Variants in TMEM169 observed in about 807,000 individuals in gnomAD.
TMEM169 encodes transmembrane protein 169.
Under a neutral mutation model 27.3 loss-of-function variants are expected in TMEM169, and 18 were observed. The observed-to-expected ratio is 0.66, with a 90% confidence interval of 0.46 to 0.98. The LOEUF (loss-of-function observed/expected upper bound fraction) is 0.98, where lower values mean the gene tolerates loss of function less well. TMEM169 is among the 50% of genes least tolerant of loss of function. The pLI is 0.00. For missense variants in TMEM169, 320 were observed against 368.6 expected (o/e 0.87, Z 1.08); for synonymous variants, 136 against 142.1 (o/e 0.96, Z 0.30).
In TMEM169 at chr2:216,085,146, C is replaced by T. The variant is rs117768574; in HGVS notation, c.-127+3167C>T. Among the ~76,000 whole-genome samples the T allele has an allele frequency of 7.4e-3, 1,134 of 152,278 alleles. 42 individuals carry two copies. The highest frequency in any genetic ancestry group is 0.063 in the Admixed American group (956 of 15,286). On this transcript the variant is annotated intron_variant, in intron 1 of 2. Coordinates refer to ENST00000437356, the MANE Select transcript of TMEM169 (RefSeq NM_001142311.2). ...CTGAGACGACAGGTGCGCGCTGCCA[C>T]GCCTGACCATCTGATTTTCTTTATG...
chr2:216,095,960 T>G lies in TMEM169; in HGVS notation c.-4T>G. The stretch of plus-strand genomic sequence containing the variant: ...ATAAGACATAGGTAGACGTCAGGTC[T>G]GGAATGGAAGAGCCAACAGCAGTAG... On this transcript the variant is annotated 5_prime_UTR_variant, in exon 2 of 3. Coordinates refer to ENST00000437356, the MANE Select transcript of TMEM169 (RefSeq NM_001142311.2). 1 of 1,611,864 alleles carries G rather than the reference T, an allele frequency of 6.2e-7. No individual in the cohort carries two copies. The highest frequency in any genetic ancestry group is 8.5e-7 in the Non-Finnish European group (1 of 1,179,154).
chr2:216,085,942 A>C (rs1695985200), intron 1 of TMEM169, among the ~76,000 whole-genome samples: 1 of 152,100 alleles, frequency 6.6e-6, no homozygotes, highest in African/African-American at 2.4e-5. Flanking sequence ...AAAAGCAGTT[A>C]TTCTAAGCAC....
chr2:216,085,099 C>T (rs1016608885), intron 1 of TMEM169, among the ~76,000 whole-genome samples: 3 of 152,164 alleles, frequency 2.0e-5, no homozygotes, highest in Admixed American at 6.5e-5. Flanking sequence ...AAACAATTCT[C>T]CTGCCTCAGC....
intron 2 of TMEM169, 103 bp downstream of exon 2, chr2:216,096,337 G>A (rs1048612579): frequency 3.0e-6 from 4 of 1,324,084 alleles, no homozygotes; most frequent in South Asian, 1.5e-5. Flanking sequence ...TCTTCTTGGT[G>A]ATACATTTCT....
At chr2:216,083,920 T>C (rs1207582433) in intron 1 of TMEM169, among the ~76,000 whole-genome samples, 3 of 152,222 alleles carry the variant, frequency 2.0e-5, no homozygotes, top group Non-Finnish European at 2.9e-5. Flanking sequence ...ATCTGCTGCT[T>C]GGAAGCTCTT....
intron 1 of TMEM169, among the ~76,000 whole-genome samples, chr2:216,094,600 A>G (rs1696217443): frequency 6.6e-6 from 1 of 152,176 alleles, no homozygotes; most frequent in African/African-American, 2.4e-5. Flanking sequence ...GCCAAACAAA[A>G]CAAACCATCA....
chr2:216,098,755 G>A (rs1053921866), intron 2 of TMEM169, among the ~76,000 whole-genome samples: 1 of 149,596 alleles, frequency 6.7e-6, no homozygotes, highest in African/African-American at 2.5e-5. Context: ...GTGCGGTGTG[G>A]GTGTGGTGTA....
rs572472782 is a variant in TMEM169 at position 216,099,194 on chromosome 2, G to A, written c.272-726G>A. ...TGTGTGGGGAGGTTGTGTGTGGCAT[G>A]TGTGTGGTGTATGTGTTATGTATGG... is the stretch of plus-strand genomic sequence containing the variant. On this transcript the variant is annotated intron_variant, in intron 2 of 2. Coordinates refer to ENST00000437356, the MANE Select transcript of TMEM169 (RefSeq NM_001142311.2). This position sits in a 1 kb window ranked among gnomAD's most constrained non-coding sequence, Gnocchi z 5.0. Among the ~76,000 whole-genome samples, 69 of 151,254 alleles carry A rather than the reference G, an allele frequency of 4.6e-4. 1 individual carries two copies. Among genetic ancestry groups the A allele is most frequent in the South Asian group, 4.2e-4 (2 of 4,788 alleles).
At chr2:216,091,371 A>G (rs1162184757) in intron 1 of TMEM169, among the ~76,000 whole-genome samples, 12 of 152,162 alleles carry the variant, frequency 7.9e-5, no homozygotes, top group Admixed American at 7.9e-4. Context: ...AGCCTGGCCA[A>G]TATGGCGAAA....
intron 1 of TMEM169, among the ~76,000 whole-genome samples, chr2:216,087,117 G>A (rs986846763): frequency 6.6e-6 from 1 of 152,076 alleles, no homozygotes; most frequent in African/African-American, 2.4e-5. Flanking sequence ...GGAGAAGCGT[G>A]ACAAAGATGA....
intron 1 of TMEM169, among the ~76,000 whole-genome samples, chr2:216,091,170 C>G (rs1362701796): frequency 6.6e-6 from 1 of 152,144 alleles, no homozygotes; most frequent in Non-Finnish European, 1.5e-5. Flanking sequence ...TGTTTTCCCC[C>G]CAAATCCATA....
intron 2 of TMEM169, among the ~76,000 whole-genome samples, chr2:216,097,579 AAAT>A (rs1392414165): frequency 6.6e-6 from 1 of 152,034 alleles, no homozygotes; most frequent in African/African-American, 2.4e-5. Context: ...CATCTCGAAA[AAAT>A]AATAATAATT....
intron 1 of TMEM169, among the ~76,000 whole-genome samples, chr2:216,087,133 C>G (rs1286709603): frequency 2.6e-5 from 4 of 151,718 alleles, no homozygotes; most frequent in African/African-American, 9.7e-5. Flanking sequence ...GATGAAGAAA[C>G]CAACATAAGC....
At chr2:216,095,451 C>T (rs77817417) in intron 1 of TMEM169, among the ~76,000 whole-genome samples, 1,947 of 152,226 alleles carry the variant, frequency 0.013, 46 homozygotes, top group African/African-American at 0.044. Flanking sequence ...TTATACTCTG[C>T]ATGCTCCAAC....
intron 2 of TMEM169, among the ~76,000 whole-genome samples, chr2:216,098,263 G>A (rs1574438215): frequency 1.3e-5 from 2 of 152,318 alleles, no homozygotes; most frequent in African/African-American, 2.4e-5. Flanking sequence ...GATGCTGATG[G>A]GAGACTATTG....
chr2:216,091,469 A>T (rs985968181), intron 1 of TMEM169, among the ~76,000 whole-genome samples: 11 of 146,116 alleles, frequency 7.5e-5, no homozygotes, highest in African/African-American at 2.8e-4. Context: ...AGGCAGGAGA[A>T]TTGCTTGAAC....
intron 1 of TMEM169, among the ~76,000 whole-genome samples, chr2:216,087,538 G>T (rs1469559623): frequency 6.6e-6 from 1 of 152,200 alleles, no homozygotes; most frequent in Non-Finnish European, 1.5e-5. Context: ...GTTCATCAAA[G>T]AACATTCTAG....
rs1296333611 is a variant in TMEM169, at chr2:216,102,768, G to A, written c.*2226G>A. On this transcript the variant is annotated 3_prime_UTR_variant, in exon 3 of 3. Coordinates refer to ENST00000437356, the MANE Select transcript of TMEM169 (RefSeq NM_001142311.2). ...GACAAAGAAAATAAAAATAAAGTCT[G>A]ATTAACTTTTGCTCATTTTGTCTTT... The A allele has an allele frequency of 1.3e-5, 2 of 152,590 alleles. No individual in the cohort carries two copies. The highest frequency in any genetic ancestry group is 3.8e-4 in the East Asian group (2 of 5,200). The allele number at this position is 152,590 out of a possible 1,614,324, so 9.5% of individuals were successfully genotyped here. A position where few individuals can be genotyped will look rare whatever the true frequency, so the allele number is the denominator to read the frequency against.
chr2:216,081,992 G>A lies in TMEM169; in HGVS notation c.-127+13G>A. ...TGGGCAGGTGTGGGTGAGACTGCTC[G>A]TTCGTTTCTTTAAATTTCGATGCCA... On this transcript the variant is annotated intron_variant, in intron 1 of 2. Transcript: ENST00000437356. 1 of 475,654 alleles carries A rather than the reference G, an allele frequency of 2.1e-6. No homozygotes were observed. Among genetic ancestry groups the A allele is most frequent in the South Asian group, 2.6e-5 (1 of 38,746 alleles). 29.5% of individuals were successfully genotyped at this position (475,654 alleles called of 1,614,324 possible). A position where few individuals can be genotyped will look rare whatever the true frequency, so the allele number is the denominator to read the frequency against.
Sources: gnomAD v4.1 joint callset for allele counts (sites outside exome capture counted in the v4.1 genomes callset) on GRCh38, gnomAD v4.1.1 for gene constraint, Gnocchi (gnomAD v3.1) non-coding constraint, MANE v1.5 for transcripts, NCBI Gene and HGNC (gene_info 2026-07-23, HGNC 2026-07-21) for gene names.